The following DGKG variants were observed in gnomAD, a reference collection of about 807,000 sequenced individuals.
The protein encoded by DGKG is diacylglycerol kinase gamma.
In DGKG, 78 loss-of-function variants were observed where a neutral mutation model predicts 105.3. The ratio of observed to expected loss-of-function variants is 0.74; its 90% CI spans 0.62 to 0.89. The LOEUF (loss-of-function observed/expected upper bound fraction) is 0.89, where lower values mean the gene tolerates loss of function less well. Among genes scored for constraint, DGKG ranks in the 40% least tolerant of loss-of-function variants. The pLI is 0.00. For missense variants in DGKG, 958 were observed against 1,020.1 expected (o/e 0.94, Z 0.83); for synonymous variants, 346 against 367.1 (o/e 0.94, Z 0.66).
At chr3:186,201,576 G>A (rs534073559) in intron 21 of DGKG, among the ~76,000 whole-genome samples, 17 of 152,282 alleles carry the variant, frequency 1.1e-4, no homozygotes, top group Admixed American at 7.2e-4. Flanking sequence ...CCTAGAGATG[G>A]GCGTGGGAGG....
Position 186,355,129 on chromosome 3 carries a change from C to T in DGKG, c.-249+6817G>A, listed in dbSNP as rs991265119. On this transcript the variant is annotated intron_variant, in intron 1 of 24. Transcript: ENST00000265022. ...AAGCCACTACTATCTCCATCATCAC[C>T]CTGCCCCCAACCACCATTATCATTA... 1.4e-4 allele frequency among the ~76,000 whole-genome samples: 6 copies of T among 42,830 alleles called. No individual in the cohort carries two copies. In the East Asian group the frequency reaches 9.9e-3, roughly 70 times the overall value. 28.1% of individuals were successfully genotyped at this position (42,830 alleles called of 152,430 possible).
chr3:186,314,719 A>T (rs1182261401), intron 2 of DGKG, among the ~76,000 whole-genome samples: 1 of 146,516 alleles, frequency 6.8e-6, no homozygotes, highest in Non-Finnish European at 1.5e-5. Flanking sequence ...GCGCCGCTGC[A>T]CTCCAGGCTA....
intron 17 of DGKG, among the ~76,000 whole-genome samples, chr3:186,255,370 C>T (rs539168933): frequency 1.3e-5 from 2 of 152,348 alleles, no homozygotes; most frequent in Non-Finnish European, 2.9e-5. Context: ...TTCACATTCA[C>T]GTTGGAAAAC....
At position 186,298,576 on chromosome 3, in the gene DGKG, G is replaced by A. The variant is rs182402301; in HGVS notation, c.145-347C>T. 9.4e-4 allele frequency among the ~76,000 whole-genome samples: 143 copies of A among 152,350 alleles called. 1 individual carries two copies. The highest frequency in any genetic ancestry group is 8.5e-4 in the Non-Finnish European group (58 of 68,034). On this transcript the variant is annotated intron_variant, in intron 3 of 24. Transcript: ENST00000265022. ...GAGCCTTGGGAGTGGAGGCCAAAGT[G>A]CAGGGCTCTGCCTTAGTCCAGGCCT...
chr3:186,336,571 A>G (rs1339319440), intron 1 of DGKG, among the ~76,000 whole-genome samples: 1 of 152,230 alleles, frequency 6.6e-6, no homozygotes, highest in African/African-American at 2.4e-5. Context: ...AATCTAAGTG[A>G]AGCCAGAGAG....
chr3:186,237,731 G>A (rs1423992297), intron 20 of DGKG, among the ~76,000 whole-genome samples: 1 of 152,168 alleles, frequency 6.6e-6, no homozygotes, highest in African/African-American at 2.4e-5. Context: ...ACAGAGCTTG[G>A]ACTCTGGAGT....
In DGKG at chr3:186,288,730, C is replaced by G; in HGVS notation, c.524G>C (p.Arg175Thr). The change falls in exon 6 of 25, where the codon AGG (arginine) becomes ACG (threonine). Residue 175 changes from arginine to threonine, a missense_variant. Coordinates refer to ENST00000265022, the MANE Select transcript of DGKG (RefSeq NM_001346.3). ...CTTACACTCCAGCTTATCCTGAGGC[C>G]TCCCCGTCTCCAGCAGGGACAGGTA... ...VCYLSLLETG[R>T]PQDKLEFMFR... The G allele has an allele frequency of 6.2e-7, 1 of 1,614,192 alleles. No homozygotes were observed. The highest frequency in any genetic ancestry group is 8.5e-7 in the Non-Finnish European group (1 of 1,180,028).
chr3:186,334,961 G>A (rs1343077830), intron 1 of DGKG, among the ~76,000 whole-genome samples: 1 of 152,254 alleles, frequency 6.6e-6, no homozygotes. Flanking sequence ...ATTTCACAGG[G>A]CACTCATAAA....
intron 3 of DGKG, among the ~76,000 whole-genome samples, chr3:186,306,344 A>AT (rs1724237477): frequency 6.6e-6 from 1 of 152,200 alleles, no homozygotes; most frequent in Non-Finnish European, 1.5e-5. Flanking sequence ...AAAATAAAAT[A>AT]TACGAAGAAA....
chr3:186,289,953 C>T (rs1723242355), intron 5 of DGKG, among the ~76,000 whole-genome samples: 2 of 152,234 alleles, frequency 1.3e-5, no homozygotes, highest in South Asian at 4.1e-4. Flanking sequence ...TTCCAGGTTC[C>T]AGGGATTCAG....
intron 21 of DGKG, among the ~76,000 whole-genome samples, chr3:186,202,628 G>A (rs911692085): frequency 1.3e-5 from 2 of 152,184 alleles, no homozygotes; most frequent in East Asian, 3.9e-4. Flanking sequence ...ACATTGCTTG[G>A]GGAAAGTTAT....
chr3:186,185,306 T>G (rs1394965957), intron 22 of DGKG, among the ~76,000 whole-genome samples: 1 of 152,180 alleles, frequency 6.6e-6, no homozygotes, highest in African/African-American at 2.4e-5. Context: ...TGTCCTCATC[T>G]AAAGAACAGG....
chr3:186,248,304 C>T (rs1208782359), intron 19 of DGKG, among the ~76,000 whole-genome samples: 4 of 152,382 alleles, frequency 2.6e-5, no homozygotes, highest in South Asian at 4.1e-4. Context: ...GCGCTGTAAC[C>T]TGCTGTCTAG....
chr3:186,272,390 G>A (rs779435915), intron 10 of DGKG, 47 bp from the exon 11 acceptor site: 1 of 1,422,092 alleles, frequency 7.0e-7, no homozygotes, highest in South Asian at 1.2e-5. Flanking sequence ...TAGCCACGTA[G>A]GAAAGGCCCA....
chr3:186,297,603 T>C lies in DGKG; in HGVS notation c.311-120A>G. 2.8e-6 allele frequency: 2 copies of C among 727,006 alleles called. 1 individual carries two copies. Among genetic ancestry groups the C allele is most frequent in the South Asian group, 3.1e-5 (2 of 63,650 alleles). The allele number at this position is 727,006 out of a possible 1,614,324, so 45.0% of individuals were successfully genotyped here. A position where few individuals can be genotyped will look rare whatever the true frequency, so the allele number is the denominator to read the frequency against. ...TGATTGTGTCTGTGTCTCGGGGTTA[T>C]GTGTCAGCTGGGTTCATGCTCGCTT... On this transcript the variant is annotated intron_variant, in intron 4 of 24. Transcript: ENST00000265022.
At chr3:186,357,464 C>T (rs1388581223) in intron 1 of DGKG, among the ~76,000 whole-genome samples, 1 of 152,176 alleles carries the variant, frequency 6.6e-6, no homozygotes. Flanking sequence ...ATCATATAGA[C>T]CTGAGTTTCA....
intron 4 of DGKG, 62 bp from the exon 5 acceptor site, chr3:186,297,545 G>T: frequency 8.5e-7 from 1 of 1,170,778 alleles, no homozygotes; most frequent in Non-Finnish European, 1.3e-6. Context: ...GGAAGGGCAG[G>T]TACAGGACAT....
At chr3:186,352,795 A>G (rs979559853) in intron 1 of DGKG, among the ~76,000 whole-genome samples, 1 of 151,962 alleles carries the variant, frequency 6.6e-6, no homozygotes, top group African/African-American at 2.4e-5. Flanking sequence ...GGGCAGCCTC[A>G]CTTTCCATCT....
intron 3 of DGKG, 133 bp downstream of exon 3, chr3:186,306,768 A>G (rs1316310237): frequency 3.1e-6 from 2 of 644,318 alleles, no homozygotes; most frequent in Non-Finnish European, 5.6e-6. Context: ...CAAATGGCTC[A>G]CTTGAGACTT....
Sources: allele counts gnomAD v4.1 joint callset (sites outside exome capture counted in the v4.1 genomes callset), GRCh38; gene constraint gnomAD v4.1.1; transcripts MANE v1.5; gene names NCBI Gene and HGNC (gene_info 2026-07-23, HGNC 2026-07-21).